Variants in CNOT4 observed in about 807,000 individuals in gnomAD.
CNOT4 encodes CCR4-NOT transcription complex subunit 4.
In CNOT4, 8 loss-of-function variants were observed where a neutral mutation model predicts 73.8. The ratio of observed to expected loss-of-function variants is 0.11; its 90% confidence interval spans 0.06 to 0.20. The LOEUF is 0.20. Among genes scored for constraint, CNOT4 ranks in the 10% least tolerant of loss-of-function variants. The probability of loss-of-function intolerance (pLI) is 1.00; values close to 1 mark genes in which losing one functional copy is unlikely to be tolerated. For synonymous variants in CNOT4, 293 were observed against 321.1 expected (o/e 0.91, Z 0.94); for missense variants, 564 against 883.4 (o/e 0.64, Z 4.58).
intron 1 of CNOT4, among the ~76,000 whole-genome samples, chr7:135,497,024 T>A (rs1803632876): frequency 6.6e-6 from 1 of 151,788 alleles, no homozygotes; most frequent in Non-Finnish European, 1.5e-5. Context: ...CCCAAGATGG[T>A]CTTGAACTCC....
rs376528825 is a variant in CNOT4, at chr7:135,415,091, C to G, written c.459+85G>C. The stretch of plus-strand genomic sequence containing the variant: ...GTCCTTGTCCCTCAAGCTTTCTAAT[C>G]AGAGAGAGCAAAGTTTCCTTTGGAA... On this transcript the variant is annotated intron_variant, in intron 4 of 11. Transcript: ENST00000541284. 3.0e-5 allele frequency: 24 copies of G among 794,774 alleles called. No individual in the cohort carries two copies. In the African/African-American group the frequency reaches 3.1e-4, roughly 10 times the overall value. 49.2% of individuals were successfully genotyped at this position (794,774 alleles called of 1,614,324 possible).
chr7:135,384,441 C>T (rs1012424018), intron 10 of CNOT4: 10 of 429,664 alleles, frequency 2.3e-5, no homozygotes, highest in South Asian at 9.9e-5. Context: ...CCCGCCACCA[C>T]GCCCAGCTAA....
At chr7:135,502,816 C>CAAA (rs56358299) in intron 1 of CNOT4, among the ~76,000 whole-genome samples, 1,022 of 59,096 alleles carry the variant, frequency 0.017, 8 homozygotes, top group Non-Finnish European at 0.024. Context: ...AACTCCATCT[C>CAAA]AAAAAAAAAA....
intron 1 of CNOT4, among the ~76,000 whole-genome samples, chr7:135,461,184 A>G (rs1376218042): frequency 3.3e-5 from 5 of 152,148 alleles, no homozygotes; most frequent in Non-Finnish European, 1.5e-5. Flanking sequence ...GTCTAGTGTA[A>G]TGATTCTTAG....
intron 10 of CNOT4, among the ~76,000 whole-genome samples, chr7:135,372,131 A>C (rs1344009878): frequency 6.6e-6 from 1 of 152,250 alleles, no homozygotes; most frequent in African/African-American, 2.4e-5. Flanking sequence ...TCTGAAGTCT[A>C]AATCTGCTAG....
chr7:135,469,290 C>T (rs189533021), intron 1 of CNOT4, among the ~76,000 whole-genome samples: 35 of 152,116 alleles, frequency 2.3e-4, no homozygotes, highest in African/African-American at 8.2e-4. Context: ...TGATGAAATA[C>T]AAATTTTGGA....
At chr7:135,470,167 C>T (rs1354924793) in intron 1 of CNOT4, among the ~76,000 whole-genome samples, 1 of 151,414 alleles carries the variant, frequency 6.6e-6, no homozygotes, top group Non-Finnish European at 1.5e-5. Flanking sequence ...CACTTTGTCA[C>T]CCAGGCACAG....
At chr7:135,482,617 C>T (rs1802454671) in intron 1 of CNOT4, among the ~76,000 whole-genome samples, 1 of 149,104 alleles carries the variant, frequency 6.7e-6, no homozygotes, top group South Asian at 2.1e-4. Context: ...AAAGATATCA[C>T]AAAAAAAGGA....
intron 1 of CNOT4, among the ~76,000 whole-genome samples, chr7:135,501,364 C>T: frequency 6.6e-6 from 1 of 152,130 alleles, no homozygotes; most frequent in Non-Finnish European, 1.5e-5. Context: ...TAACAAATTG[C>T]AGTTTACTAT....
chr7:135,507,526 A>G (rs2129488446), intron 1 of CNOT4, among the ~76,000 whole-genome samples: 1 of 152,356 alleles, frequency 6.6e-6, no homozygotes, highest in East Asian at 1.9e-4. Context: ...CAGAGGGCTG[A>G]AATGAAGAAT....
Position 135,398,060 on chromosome 7 carries a change from G to T in CNOT4, c.879+109C>A. 2.9e-6 allele frequency: 2 copies of T among 693,756 alleles called. 1 individual carries two copies. Among genetic ancestry groups the T allele is most frequent in the South Asian group, 3.2e-5 (2 of 62,196 alleles). The allele number at this position is 693,756 out of a possible 1,614,324, so 43.0% of individuals were successfully genotyped here. On this transcript the variant is annotated intron_variant, in intron 8 of 11. Transcript: ENST00000541284. ...TGATTAATAAAGATGAGCATCAAAA[G>T]TGTTTTTAAATTGTGTCAGTAAAGT...
intron 1 of CNOT4, among the ~76,000 whole-genome samples, chr7:135,504,775 C>T (rs909827849): frequency 2.6e-5 from 2 of 77,256 alleles, no homozygotes; most frequent in Admixed American, 1.0e-4. Flanking sequence ...CGTGAGCCAC[C>T]GCGCCCGGCC....
At chr7:135,497,221 A>T (rs1184410726) in intron 1 of CNOT4, among the ~76,000 whole-genome samples, 2 of 152,040 alleles carry the variant, frequency 1.3e-5, no homozygotes, top group East Asian at 3.9e-4. Context: ...CAGCCCGGCC[A>T]ACACAGTGAA....
intron 10 of CNOT4, chr7:135,384,817 T>C (rs956322213): frequency 2.8e-6 from 2 of 725,034 alleles, no homozygotes; most frequent in Non-Finnish European, 5.0e-6. Flanking sequence ...ATCTTGTTTG[T>C]CTCTTCAACT....
chr7:135,472,781 T>C (rs539722452), intron 1 of CNOT4, among the ~76,000 whole-genome samples: 1 of 151,934 alleles, frequency 6.6e-6, no homozygotes, highest in Non-Finnish European at 1.5e-5. Flanking sequence ...AGCTCATACC[T>C]ACAATCCTAG....
chr7:135,398,265 G>A, intron 7 of CNOT4, 39 bp from the exon 8 acceptor site: 11 of 1,021,592 alleles, frequency 1.1e-5, no homozygotes, highest in Non-Finnish European at 1.5e-5. Context: ...TCAGAATATA[G>A]TCATTCTCCT....
intron 1 of CNOT4, among the ~76,000 whole-genome samples, chr7:135,506,031 C>A (rs1384754088): frequency 6.6e-6 from 1 of 152,122 alleles, no homozygotes; most frequent in Non-Finnish European, 1.5e-5. Flanking sequence ...ATTATGCTAG[C>A]TTTTAAATTT....
At chr7:135,433,348 TTC>T (rs1388534558) in intron 2 of CNOT4, among the ~76,000 whole-genome samples, 1 of 149,432 alleles carries the variant, frequency 6.7e-6, no homozygotes, top group East Asian at 2.0e-4. Flanking sequence ...TATCATCCTG[TTC>T]TTTTTTTTTT....
At chr7:135,494,950 C>T (rs1041661677) in intron 1 of CNOT4, among the ~76,000 whole-genome samples, 4 of 152,184 alleles carry the variant, frequency 2.6e-5, no homozygotes, top group Admixed American at 2.0e-4. Flanking sequence ...TAATAGCTAA[C>T]ATTTATGAAA....
Sources: allele counts gnomAD v4.1 joint callset (sites outside exome capture counted in the v4.1 genomes callset), GRCh38; gene constraint gnomAD v4.1.1; transcripts MANE v1.5; gene names NCBI Gene and HGNC (gene_info 2026-07-23, HGNC 2026-07-21).